Variants in ANKRD36 observed in about 807,000 individuals in gnomAD.
The protein encoded by ANKRD36 is ankyrin repeat domain 36, also known as ankyrin repeat domain-containing protein 36A.
A neutral mutation model predicts 278.1 loss-of-function variants in ANKRD36; 179 were observed. The ratio of observed to expected loss-of-function variants is 0.64; its 90% CI spans 0.57 to 0.73. The LOEUF is 0.73. Ranked by LOEUF, ANKRD36 falls within the 30% of genes least tolerant of loss-of-function variation. The pLI is 0.00. For synonymous variants in ANKRD36, 320 were observed against 641.1 expected (o/e 0.50, Z 7.57); for missense variants, 1,159 against 1,956.7 (o/e 0.59, Z 7.69).
chr2:97,219,682 T>C (rs1187901716), intron 66 of ANKRD36, among the ~76,000 whole-genome samples: 2 of 140,188 alleles, frequency 1.4e-5, no homozygotes, highest in African/African-American at 2.8e-5. Context: ...GCTTTCTCCA[T>C]GTTGGTCAGG....
At chr2:97,116,235 A>C (rs1405124633) in intron 1 of ANKRD36, among the ~76,000 whole-genome samples, 1 of 152,054 alleles carries the variant, frequency 6.6e-6, no homozygotes, top group Non-Finnish European at 1.5e-5. Context: ...CAAAGAAAAA[A>C]TAATTCTCAG....
intron 69 of ANKRD36, among the ~76,000 whole-genome samples, chr2:97,242,252 T>C (rs1318473743): frequency 6.7e-6 from 1 of 150,120 alleles, no homozygotes; most frequent in Non-Finnish European, 1.5e-5. Flanking sequence ...ATTGCACCAG[T>C]GCACTCCAGC....
chr2:97,187,785 A>G (rs897608864), intron 32 of ANKRD36, among the ~76,000 whole-genome samples: 17 of 151,870 alleles, frequency 1.1e-4, no homozygotes, highest in African/African-American at 3.9e-4. Flanking sequence ...AAGAAAAGAC[A>G]GAAAACTGAT....
At chr2:97,162,724 G>A (rs2049287497) in intron 18 of ANKRD36, among the ~76,000 whole-genome samples, 1 of 144,442 alleles carries the variant, frequency 6.9e-6, no homozygotes, top group Non-Finnish European at 1.5e-5. Context: ...TCTCTATAGG[G>A]GTTACACATC....
chr2:97,187,638 A>G (rs2057718181), intron 32 of ANKRD36, among the ~76,000 whole-genome samples: 1 of 151,760 alleles, frequency 6.6e-6, no homozygotes, highest in African/African-American at 2.4e-5. Context: ...TGGGAAGAAG[A>G]TATATGGAGA....
intron 46 of ANKRD36, 95 bp downstream of exon 46, chr2:97,200,620 T>C (rs1430934465): frequency 1.5e-5 from 22 of 1,508,514 alleles, no homozygotes; most frequent in Admixed American, 4.0e-5. Flanking sequence ...AAGCTGCACG[T>C]TCTGATTCAC....
chr2:97,186,800 C>T (rs572112424), intron 30 of ANKRD36, among the ~76,000 whole-genome samples: 98 of 151,796 alleles, frequency 6.5e-4, no homozygotes, highest in Middle Eastern at 3.4e-3. Flanking sequence ...AGTATAATGG[C>T]GTAAATCATT....
chr2:97,208,970 A>T (rs1195595273), intron 54 of ANKRD36, among the ~76,000 whole-genome samples: 1 of 146,730 alleles, frequency 6.8e-6, no homozygotes. Flanking sequence ...ACGTATGTCA[A>T]AGTTGATAAT....
At chr2:97,202,122 T>A (rs2061543220) in intron 46 of ANKRD36, 80 bp from the exon 47 acceptor site, 1 of 1,593,082 alleles carries the variant, frequency 6.3e-7, no homozygotes, top group African/African-American at 1.3e-5. Context: ...GGACAGAGGT[T>A]GATTCTAACA....
chr2:97,136,844 T>C (rs2041639165), intron 6 of ANKRD36, among the ~76,000 whole-genome samples: 1 of 152,066 alleles, frequency 6.6e-6, no homozygotes, highest in African/African-American at 2.4e-5. Context: ...AATGATGCCA[T>C]TTTCTGTCAG....
intron 6 of ANKRD36, among the ~76,000 whole-genome samples, chr2:97,133,351 T>C (rs572685926): frequency 1.3e-5 from 2 of 152,192 alleles, no homozygotes; most frequent in African/African-American, 4.8e-5. Flanking sequence ...GGTGAATATT[T>C]AACAGGTCTC....
intron 44 of ANKRD36, among the ~76,000 whole-genome samples, chr2:97,198,993 A>G (rs2060552163): frequency 6.6e-6 from 1 of 151,896 alleles, no homozygotes; most frequent in Non-Finnish European, 1.5e-5. Context: ...GGAAGTATAG[A>G]ATTTACACAC....
chr2:97,150,198 C>A (rs911329241), intron 12 of ANKRD36, among the ~76,000 whole-genome samples: 9 of 151,698 alleles, frequency 5.9e-5, no homozygotes, highest in African/African-American at 2.2e-4. Flanking sequence ...GTTTAAATAA[C>A]CTGTTTGATA....
At chr2:97,201,089 T>G (rs1248431212) in intron 46 of ANKRD36, among the ~76,000 whole-genome samples, 1 of 151,912 alleles carries the variant, frequency 6.6e-6, no homozygotes, top group Non-Finnish European at 1.5e-5. Context: ...AATATTTGCA[T>G]AAACAATATT....
chr2:97,228,736 C>G (rs2070828789), intron 67 of ANKRD36, among the ~76,000 whole-genome samples: 1 of 151,296 alleles, frequency 6.6e-6, no homozygotes, highest in Non-Finnish European at 1.5e-5. Context: ...GTTAGGGTGT[C>G]AATTTTGGAT....
intron 67 of ANKRD36, among the ~76,000 whole-genome samples, chr2:97,231,591 T>C (rs1361145395): frequency 1.2e-4 from 19 of 152,116 alleles, no homozygotes; most frequent in African/African-American, 4.6e-4. Flanking sequence ...ACTTCCTGAG[T>C]GAGGCAATGC....
chr2:97,256,335 C>T (rs1179830602), intron 75 of ANKRD36, among the ~76,000 whole-genome samples: 2 of 152,096 alleles, frequency 1.3e-5, no homozygotes, highest in Non-Finnish European at 2.9e-5. Context: ...CTACCCTGGG[C>T]AACAAAAGCA....
At chr2:97,204,022 T>C (rs779876586) in intron 48 of ANKRD36, 46 bp from the exon 49 acceptor site, 3 of 1,550,130 alleles carry the variant, frequency 1.9e-6, no homozygotes, top group Non-Finnish European at 2.6e-6. Flanking sequence ...TGGATAATTT[T>C]GTCATTTTTA....
At chr2:97,225,616 TTTC>T (rs1437505430) in intron 67 of ANKRD36, among the ~76,000 whole-genome samples, 2 of 152,092 alleles carry the variant, frequency 1.3e-5, no homozygotes, top group Non-Finnish European at 2.9e-5. Flanking sequence ...AGAATTTGCT[TTTC>T]TTTTTTTATT....
Sources: allele counts gnomAD v4.1 joint callset (sites outside exome capture counted in the v4.1 genomes callset), GRCh38; gene constraint gnomAD v4.1.1; transcripts MANE v1.5; gene names NCBI Gene and HGNC (gene_info 2026-07-23, HGNC 2026-07-21).